Variants in UBE2K observed in about 807,000 individuals in gnomAD.
UBE2K encodes the protein ubiquitin conjugating enzyme E2 K.
Under a neutral mutation model 30.0 loss-of-function variants are expected in UBE2K, and 6 were observed. The observed-to-expected ratio is 0.20, with a 90% CI of 0.11 to 0.39. The LOEUF (loss-of-function observed/expected upper bound fraction) is 0.39, where lower values mean the gene tolerates loss of function less well. UBE2K is among the 10% of genes least tolerant of loss of function. The pLI is 1.00. For missense variants in UBE2K, 61 were observed against 241.6 expected (o/e 0.25, Z 4.96); for synonymous variants, 86 against 83.7 (o/e 1.03, Z -0.15).
intron 1 of UBE2K, among the ~76,000 whole-genome samples, chr4:39,699,647 A>G (rs1019785319): frequency 6.6e-6 from 1 of 152,230 alleles, no homozygotes; most frequent in East Asian, 1.9e-4. Context: ...ATTATTGAAT[A>G]TATCATTGCT....
At chr4:39,715,550 T>A (rs1387531334) in intron 1 of UBE2K, among the ~76,000 whole-genome samples, 1 of 152,108 alleles carries the variant, frequency 6.6e-6, no homozygotes, top group Non-Finnish European at 1.5e-5. Context: ...TCTCAAGTGA[T>A]CCACCCGCCT....
intron 4 of UBE2K, among the ~76,000 whole-genome samples, chr4:39,765,686 G>C (rs1280801170): frequency 6.6e-6 from 1 of 151,912 alleles, no homozygotes; most frequent in Non-Finnish European, 1.5e-5. Flanking sequence ...GCCAAGTCTG[G>C]TAGCATGCGA....
chr4:39,723,787 G>A (rs1719567536), intron 1 of UBE2K, among the ~76,000 whole-genome samples: 1 of 150,534 alleles, frequency 6.6e-6, no homozygotes, highest in East Asian at 2.0e-4. Flanking sequence ...GTTAATAATG[G>A]GTACTGTACA....
chr4:39,698,170 C>T lies in UBE2K; in HGVS notation c.-158C>T, dbSNP rs761675664. The T allele has an allele frequency of 2.0e-5, 15 of 749,812 alleles. No homozygotes were observed. Among genetic ancestry groups the T allele is most frequent in the Middle Eastern group, 3.6e-4 (1 of 2,772 alleles). 46.4% of individuals were successfully genotyped at this position (749,812 alleles called of 1,614,324 possible). ...GTGGCCGGGCGCGGAGGTGATTCCA[C>T]ACTGAGGCGAGCGCGGCGGCCGGGG... On this transcript the variant is annotated 5_prime_UTR_variant, in exon 1 of 7. Transcript: ENST00000261427.
At chr4:39,765,846 G>T (rs2109394057) in intron 4 of UBE2K, among the ~76,000 whole-genome samples, 1 of 151,528 alleles carries the variant, frequency 6.6e-6, no homozygotes, top group South Asian at 2.1e-4. Flanking sequence ...GGTGGCTCTT[G>T]CCTGTAACCC....
intron 1 of UBE2K, among the ~76,000 whole-genome samples, chr4:39,734,778 T>C (rs1182282003): frequency 6.6e-6 from 1 of 152,170 alleles, no homozygotes; most frequent in Non-Finnish European, 1.5e-5. Flanking sequence ...ACTGCTGCAT[T>C]CCAGCCAGGG....
chr4:39,759,536 G>T (rs1033960265), intron 4 of UBE2K, among the ~76,000 whole-genome samples: 1 of 152,112 alleles, frequency 6.6e-6, no homozygotes, highest in African/African-American at 2.4e-5. Context: ...CACTGGCCTC[G>T]GCCTCCCAGA....
At chr4:39,769,244 TTTTTA>T (rs1254211142) in intron 4 of UBE2K, among the ~76,000 whole-genome samples, 1 of 151,890 alleles carries the variant, frequency 6.6e-6, no homozygotes, top group Non-Finnish European at 1.5e-5. Context: ...TGTTTTTTGT[TTTTTA>T]TTTTGTGGAA....
At chr4:39,749,062 C>G (rs981904488) in intron 3 of UBE2K, among the ~76,000 whole-genome samples, 7 of 152,098 alleles carry the variant, frequency 4.6e-5, no homozygotes, top group Admixed American at 4.6e-4. Flanking sequence ...GTAAAATTAT[C>G]AAGGTAGCTG....
intron 1 of UBE2K, among the ~76,000 whole-genome samples, chr4:39,725,068 T>G (rs950076718): frequency 1.3e-5 from 2 of 152,032 alleles, no homozygotes; most frequent in African/African-American, 4.8e-5. Flanking sequence ...GTTCTTTGAG[T>G]AACGTCCTGT....
intron 4 of UBE2K, chr4:39,770,786 G>T: frequency 6.3e-7 from 1 of 1,578,270 alleles, no homozygotes; most frequent in Non-Finnish European, 8.6e-7. Context: ...GCCGGTGTGC[G>T]ATGTCCAGGG....
At chr4:39,744,116 G>A (rs777607304) in intron 2 of UBE2K, among the ~76,000 whole-genome samples, 1 of 152,160 alleles carries the variant, frequency 6.6e-6, no homozygotes, top group Non-Finnish European at 1.5e-5. Context: ...GCCCACCTCA[G>A]CCTCCCAAAG....
chr4:39,745,549 G>A (rs1720946096), intron 2 of UBE2K, among the ~76,000 whole-genome samples: 1 of 152,148 alleles, frequency 6.6e-6, no homozygotes, highest in Non-Finnish European at 1.5e-5. Context: ...TAATACAGTT[G>A]TATGAAATGG....
chr4:39,712,490 C>G (rs543529420), intron 1 of UBE2K, among the ~76,000 whole-genome samples: 1 of 150,884 alleles, frequency 6.6e-6, no homozygotes, highest in African/African-American at 2.4e-5. Context: ...AGTACAGTAG[C>G]ACAATCTTGG....
chr4:39,701,760 G>GTT (rs200854243), intron 1 of UBE2K, among the ~76,000 whole-genome samples: 26 of 144,738 alleles, frequency 1.8e-4, no homozygotes, highest in East Asian at 4.0e-4. Flanking sequence ...TTTCTTTCAT[G>GTT]TTTTTTTTTT....
intron 1 of UBE2K, among the ~76,000 whole-genome samples, chr4:39,713,040 T>G (rs2109314540): frequency 6.6e-6 from 1 of 152,050 alleles, no homozygotes; most frequent in South Asian, 2.1e-4. Flanking sequence ...TAATTTCGTA[T>G]TTTTAGTAGA....
At chr4:39,698,975 C>T (rs971601487) in intron 1 of UBE2K, among the ~76,000 whole-genome samples, 8 of 152,170 alleles carry the variant, frequency 5.3e-5, no homozygotes, top group Admixed American at 3.3e-4. Flanking sequence ...TAATAGAATA[C>T]TGTCTTATTT....
At chr4:39,724,663 G>A (rs7690684) in intron 1 of UBE2K, among the ~76,000 whole-genome samples, 24,843 of 150,698 alleles carry the variant, frequency 0.16, 3,962 homozygotes, top group African/African-American at 0.42. Flanking sequence ...CAGCTACTTG[G>A]GGGGGCTGAG....
intron 2 of UBE2K, among the ~76,000 whole-genome samples, chr4:39,743,005 C>T (rs561144598): frequency 6.6e-6 from 1 of 151,542 alleles, no homozygotes; most frequent in East Asian, 1.9e-4. Flanking sequence ...AAGATTGTGC[C>T]TCTGCACTCC....
Sources: gnomAD v4.1 joint callset for allele counts (sites outside exome capture counted in the v4.1 genomes callset) on GRCh38, gnomAD v4.1.1 for gene constraint, MANE v1.5 for transcripts, NCBI Gene and HGNC (gene_info 2026-07-23, HGNC 2026-07-21) for gene names.